The following PPP3CC variants were observed in gnomAD, a reference collection of about 807,000 sequenced individuals.
The protein encoded by PPP3CC is protein phosphatase 3 catalytic subunit gamma, also known as serine/threonine-protein phosphatase 2B catalytic subunit gamma isoform.
Under a neutral mutation model 60.3 loss-of-function variants are expected in PPP3CC, and 35 were observed. The observed-to-expected ratio is 0.58, with a 90% CI of 0.44 to 0.77. The LOEUF is 0.77. PPP3CC is among the 30% of genes least tolerant of loss of function. The pLI is 0.00. For missense variants in PPP3CC, 570 were observed against 628.9 expected, an observed-to-expected ratio of 0.91 and a Z score of 1.00; for synonymous variants, 206 against 224.3, an observed-to-expected ratio of 0.92 and a Z score of 0.73.
intron 3 of PPP3CC, among the ~76,000 whole-genome samples, chr8:22,489,460 G>A (rs910988213): frequency 1.3e-5 from 2 of 150,836 alleles, no homozygotes; most frequent in Admixed American, 6.7e-5. Flanking sequence ...ATATATGAAT[G>A]AATGATTCTC....
chr8:22,521,059 G>T (rs569083011), intron 6 of PPP3CC, among the ~76,000 whole-genome samples: 21 of 152,188 alleles, frequency 1.4e-4, no homozygotes, highest in Non-Finnish European at 2.9e-4. Context: ...CACAGTCAGT[G>T]GGCGTACCAC....
intron 5 of PPP3CC, among the ~76,000 whole-genome samples, chr8:22,512,052 A>G (rs773482575): frequency 1.4e-4 from 22 of 152,216 alleles, no homozygotes; most frequent in Admixed American, 6.5e-4. Context: ...ATTATGGAAA[A>G]AGATGACCAA....
chr8:22,510,288 C>A (rs1485861363), intron 4 of PPP3CC, among the ~76,000 whole-genome samples: 1 of 151,750 alleles, frequency 6.6e-6, no homozygotes, highest in African/African-American at 2.4e-5. Context: ...ATTGGGATTA[C>A]AGGCGTGAGC....
intron 1 of PPP3CC, among the ~76,000 whole-genome samples, chr8:22,454,978 C>G (rs764843642): frequency 1.3e-5 from 2 of 150,056 alleles, no homozygotes; most frequent in Non-Finnish European, 3.0e-5. Context: ...ATGGCATGAA[C>G]CCGGGAGGCA....
At chr8:22,494,309 A>G (rs932686866) in intron 3 of PPP3CC, among the ~76,000 whole-genome samples, 3 of 152,154 alleles carry the variant, frequency 2.0e-5, no homozygotes, top group Admixed American at 6.5e-5. Flanking sequence ...GGAAGAAGCA[A>G]AAGTGGAAAC....
chr8:22,443,865 C>T (rs972047683), intron 1 of PPP3CC, among the ~76,000 whole-genome samples: 25 of 152,244 alleles, frequency 1.6e-4, no homozygotes, highest in Non-Finnish European at 3.2e-4. Context: ...TCCATTGTAA[C>T]GGGTACTAAA....
chr8:22,456,638 GT>G (rs1310009749), intron 1 of PPP3CC, among the ~76,000 whole-genome samples: 1 of 152,128 alleles, frequency 6.6e-6, no homozygotes, highest in African/African-American at 2.4e-5. Flanking sequence ...CTGTGTATGT[GT>G]GTTTAGCTTT....
At position 22,460,612 on chromosome 8, in the gene PPP3CC, G is replaced by A. The variant is rs190241864; in HGVS notation, c.50-14342G>A. On this transcript the variant is annotated intron_variant, in intron 1 of 13. Transcript: ENST00000240139. Reference sequence around the variant, plus strand: ...AGGTGGGAGAACTGCTTGAAGCCAGGAGTTTGAGACCAGCCTGGGCAACAT... The same window carrying A: ...AGGTGGGAGAACTGCTTGAAGCCAGAAGTTTGAGACCAGCCTGGGCAACAT... 3.7e-3 allele frequency among the ~76,000 whole-genome samples: 557 copies of A among 151,866 alleles called. 3 individuals carry two copies. Among genetic ancestry groups the A allele is most frequent in the Admixed American group, 6.4e-3 (98 of 15,222 alleles).
At chr8:22,523,316 A>G (rs1316811173) in intron 8 of PPP3CC, among the ~76,000 whole-genome samples, 1 of 152,164 alleles carries the variant, frequency 6.6e-6, no homozygotes, top group Admixed American at 6.5e-5. Context: ...GGATATATAC[A>G]TGCCTTTTGT....
chr8:22,441,852 G>A lies in PPP3CC; in HGVS notation c.49+394G>A, dbSNP rs555462252. 2.0e-5 allele frequency among the ~76,000 whole-genome samples: 3 copies of A among 152,100 alleles called. No homozygotes were observed. The East Asian group carries it at 5.8e-4, about 29-fold the overall frequency. On this transcript the variant is annotated intron_variant, in intron 1 of 13. Coordinates refer to ENST00000240139, the MANE Select transcript of PPP3CC (RefSeq NM_005605.5). ...TAAGATTAGATCTTTCTTGACGTCC[G>A]CCCCCCACCCTTTTTTAGGACGTAT... is the stretch of plus-strand genomic sequence containing the variant.
At chr8:22,478,903 ATTCTG>A (rs1837979022) in intron 3 of PPP3CC, among the ~76,000 whole-genome samples, 1 of 152,202 alleles carries the variant, frequency 6.6e-6, no homozygotes, top group Admixed American at 6.5e-5. Flanking sequence ...ATTTAGCTTT[ATTCTG>A]TTAATTAGAT....
At chr8:22,491,425 T>G (rs2132499740) in intron 3 of PPP3CC, among the ~76,000 whole-genome samples, 1 of 152,344 alleles carries the variant, frequency 6.6e-6, no homozygotes, top group Non-Finnish European at 1.5e-5. Context: ...GTTTCTCTAA[T>G]TACTGATGAA....
chr8:22,513,314 C>G lies in PPP3CC; in HGVS notation c.652C>G (p.Pro218Ala). Reference protein sequence around the residue: ...IRKLDRFTEPPAFGPVCDLLW... With the variant: ...IRKLDRFTEPAAFGPVCDLLW... ...CTAGTTAGACAGGTTTACGGAACCT[C>G]CCGCCTTTGGACCTGTGTGTGACCT... is the stretch of plus-strand genomic sequence containing the variant. The change falls in exon 6 of 14, where the codon CCC becomes GCC. Residue 218 changes from proline (P) to alanine (A), a missense_variant. By Grantham distance (27) the Pro-to-Ala change is conservative (BLOSUM62 -1). Coordinates refer to ENST00000240139, the MANE Select transcript of PPP3CC (RefSeq NM_005605.5). The G allele has an allele frequency of 6.2e-7, 1 of 1,612,574 alleles. No homozygotes were observed. The highest frequency in any genetic ancestry group is 1.7e-4 in the Middle Eastern group (1 of 6,056).
At chr8:22,512,588 A>G (rs1839118921) in intron 5 of PPP3CC, among the ~76,000 whole-genome samples, 1 of 152,246 alleles carries the variant, frequency 6.6e-6, no homozygotes, top group Admixed American at 6.5e-5. Flanking sequence ...GAACCATTGT[A>G]AAACATTTCT....
At chr8:22,540,225 G>A (rs1483678716) in intron 13 of PPP3CC, among the ~76,000 whole-genome samples, 2 of 152,088 alleles carry the variant, frequency 1.3e-5, no homozygotes, top group Admixed American at 6.5e-5. Context: ...CAACTACCCT[G>A]GGTTTAACTT....
intron 6 of PPP3CC, among the ~76,000 whole-genome samples, chr8:22,520,314 T>G (rs1328880807): frequency 1.3e-5 from 2 of 152,158 alleles, no homozygotes; most frequent in African/African-American, 4.8e-5. Flanking sequence ...TTTAACTTAT[T>G]TGGAGACCTT....
At chr8:22,530,453 T>TCAAA (rs1426355541) in intron 10 of PPP3CC, among the ~76,000 whole-genome samples, 3 of 151,122 alleles carry the variant, frequency 2.0e-5, no homozygotes, top group South Asian at 2.1e-4. Flanking sequence ...AGACCCTGTC[T>TCAAA]CAAACAAACA....
intron 1 of PPP3CC, among the ~76,000 whole-genome samples, 172 bp downstream of exon 1, chr8:22,441,630 T>C (rs1421786790): frequency 1.3e-5 from 2 of 151,578 alleles, no homozygotes; most frequent in African/African-American, 2.4e-5. Flanking sequence ...GGACCCGGCG[T>C]TTTCTGCTGC....
At chr8:22,492,977 G>C in intron 3 of PPP3CC, 1 of 1,270,474 alleles carries the variant, frequency 7.9e-7, no homozygotes, top group African/African-American at 1.5e-5. Context: ...CTGAAGCTCT[G>C]CCCAAACAGT....
Sources: allele counts gnomAD v4.1 joint callset (sites outside exome capture counted in the v4.1 genomes callset), GRCh38; gene constraint gnomAD v4.1.1; transcripts MANE v1.5; gene names NCBI Gene and HGNC (gene_info 2026-07-23, HGNC 2026-07-21).